The following MYCT1 variants were observed in gnomAD, a reference collection of about 807,000 sequenced individuals.
The protein encoded by MYCT1 is MYC target 1.
A neutral mutation model predicts 15.0 loss-of-function variants in MYCT1; 12 were observed. The observed-to-expected ratio is 0.80, with a 90% CI of 0.51 to 1.29. The LOEUF is 1.29. Ranked by LOEUF, MYCT1 falls within the 50% of genes most tolerant of loss-of-function variation. The pLI is 0.00. For synonymous variants in MYCT1, 104 were observed against 102.7 expected, an observed-to-expected ratio of 1.01 and a Z score of -0.07; for missense variants, 287 against 279.1, an observed-to-expected ratio of 1.03 and a Z score of -0.20.
At chr6:152,698,740 C>T (rs1177336340) in intron 1 of MYCT1, among the ~76,000 whole-genome samples, 1 of 152,080 alleles carries the variant, frequency 6.6e-6, no homozygotes, top group Non-Finnish European at 1.5e-5. Flanking sequence ...GTGGAAATAA[C>T]ATCACGTGTA....
chr6:152,725,314 C>G (rs891280111), downstream of MYCT1, among the ~76,000 whole-genome samples: 1 of 152,038 alleles, frequency 6.6e-6, no homozygotes, highest in Non-Finnish European at 1.5e-5. Context: ...TAGTAATGGA[C>G]CAAAACAAGC....
At chr6:152,725,501 G>T (rs1383560280), downstream of MYCT1, among the ~76,000 whole-genome samples, 2 of 152,124 alleles carry the variant, frequency 1.3e-5, no homozygotes, top group Non-Finnish European at 1.5e-5. Flanking sequence ...GGCCAGGCTG[G>T]TCTCAAACTC....
At position 152,721,883 on chromosome 6, in the gene MYCT1, G is replaced by A. The variant is rs773210720; in HGVS notation, c.338G>A (p.Arg113Lys). ...ISQWSSSRRS[R>K]SSYTHGLNRT... is the part of the protein sequence containing the mutation. ...CAGTGGAGTTCAAGCAGGAGATCTA[G>A]GTCTTCTTACACCCACGGCCTCAAC... Residue 113 changes from arginine to lysine, a missense_variant, in exon 2 of 2, where the codon AGG becomes AAG. Coordinates refer to ENST00000367245, the MANE Select transcript of MYCT1 (RefSeq NM_025107.3). 5 of 1,614,048 alleles carry A rather than the reference G, an allele frequency of 3.1e-6. No individual in the cohort carries two copies. In the South Asian group the frequency reaches 5.5e-5, roughly 18 times the overall value.
chr6:152,728,331 G>A (rs2099726011), downstream of MYCT1, among the ~76,000 whole-genome samples: 2 of 152,138 alleles, frequency 1.3e-5, no homozygotes, highest in Non-Finnish European at 2.9e-5. Flanking sequence ...AATGGTCAAT[G>A]AGAATCTGAG....
intron 1 of MYCT1, among the ~76,000 whole-genome samples, chr6:152,700,789 A>C (rs1309841759): frequency 1.3e-5 from 2 of 152,164 alleles, no homozygotes; most frequent in Non-Finnish European, 2.9e-5. Context: ...TAGAAGACGT[A>C]GTTTTGGTTG....
At chr6:152,708,366 C>A (rs985629202) in intron 1 of MYCT1, among the ~76,000 whole-genome samples, 1 of 151,838 alleles carries the variant, frequency 6.6e-6, no homozygotes, top group African/African-American at 2.4e-5. Flanking sequence ...TTTTAGAATA[C>A]ATAAGATTTT....
chr6:152,702,910 G>A (rs550326748), intron 1 of MYCT1, among the ~76,000 whole-genome samples: 28 of 152,204 alleles, frequency 1.8e-4, no homozygotes, highest in Non-Finnish European at 4.1e-4. Flanking sequence ...TCATCTCACT[G>A]GACTCCATGC....
chr6:152,716,761 CAT>C (rs2099723759), intron 1 of MYCT1, among the ~76,000 whole-genome samples: 1 of 152,094 alleles, frequency 6.6e-6, no homozygotes, highest in Non-Finnish European at 1.5e-5. Flanking sequence ...ATTAGGATGA[CAT>C]ATATTTAATT....
At chr6:152,720,723 G>A (rs751093759) in intron 1 of MYCT1, among the ~76,000 whole-genome samples, 1 of 152,088 alleles carries the variant, frequency 6.6e-6, no homozygotes, top group Non-Finnish European at 1.5e-5. Context: ...AGTGAGAAAC[G>A]AGCATGACTT....
the MYCT1 span, among the ~76,000 whole-genome samples, chr6:152,742,196 G>T: frequency 6.6e-6 from 1 of 152,136 alleles, no homozygotes; most frequent in African/African-American, 2.4e-5. Context: ...GAAATACGGG[G>T]TTAAACAAGG....
At chr6:152,727,104 G>A (rs571955558), downstream of MYCT1, among the ~76,000 whole-genome samples, 29 of 151,598 alleles carry the variant, frequency 1.9e-4, no homozygotes, top group East Asian at 4.7e-3. Context: ...CCAGCTACTC[G>A]GGAGGCTGAG....
At chr6:152,743,622 T>A in the MYCT1 span, among the ~76,000 whole-genome samples, 1 of 152,130 alleles carries the variant, frequency 6.6e-6, no homozygotes. Context: ...CTCCCCACTC[T>A]CCATGCTCTA....
At chr6:152,712,335 T>A (rs2099722914) in intron 1 of MYCT1, among the ~76,000 whole-genome samples, 1 of 58,994 alleles carries the variant, frequency 1.7e-5, no homozygotes, top group African/African-American at 4.5e-5. Context: ...AAAATGTATA[T>A]TCTGTTGATT....
chr6:152,712,500 C>T lies in MYCT1; in HGVS notation c.197-9242C>T, dbSNP rs1284387184. Among the ~76,000 whole-genome samples the T allele has an allele frequency of 8.3e-5, 6 of 72,120 alleles. 1 individual carries two copies. Among genetic ancestry groups the T allele is most frequent in the African/African-American group, 1.5e-4 (4 of 27,182 alleles). 47.3% of individuals were successfully genotyped at this position (72,120 alleles called of 152,430 possible). A position where few individuals can be genotyped will look rare whatever the true frequency, so the allele number is the denominator to read the frequency against. On this transcript the variant is annotated intron_variant, in intron 1 of 1. Transcript: ENST00000367245. ...GCCCTGCTTCGGCTCGCGCACGGTG[C>T]GCACACACACTGGCCTGCGCCCACT...
downstream of MYCT1, among the ~76,000 whole-genome samples, chr6:152,725,475 G>A (rs371622242): frequency 3.2e-4 from 48 of 152,166 alleles, 1 homozygote; most frequent in African/African-American, 1.1e-3. Context: ...GAATAAAGAC[G>A]GTGTTTTGCC....
the MYCT1 span, among the ~76,000 whole-genome samples, chr6:152,729,718 C>T: frequency 6.6e-6 from 1 of 152,158 alleles, no homozygotes; most frequent in Admixed American, 6.6e-5. Context: ...AGTTGGTGTG[C>T]TGAATATTCA....
the MYCT1 span, among the ~76,000 whole-genome samples, chr6:152,733,141 TC>T: frequency 6.6e-6 from 1 of 152,232 alleles, no homozygotes; most frequent in African/African-American, 2.4e-5. Context: ...TCTCACTCTG[TC>T]ACCCAGGTTG....
intron 1 of MYCT1, among the ~76,000 whole-genome samples, chr6:152,715,435 A>G (rs1223368975): frequency 7.1e-6 from 1 of 141,704 alleles, no homozygotes; most frequent in Non-Finnish European, 1.6e-5. Context: ...GACCACTACC[A>G]TTCACAAAAA....
In MYCT1 at chr6:152,698,015, T is replaced by G. The variant is rs775959799; in HGVS notation, c.113T>G (p.Phe38Cys). 3 of 1,610,870 alleles carry G rather than the reference T, an allele frequency of 1.9e-6. No homozygotes were observed. The highest frequency in any genetic ancestry group is 2.5e-6 in the Non-Finnish European group (3 of 1,178,598). ...GACATACTGGTTTTTCTTTCTGTTT[T>G]TCTTCTCTTTCTTCTATTTCTTGTG... The part of the protein sequence containing the change: ...FFDILVFLSV[F>C]LLFLLFLVDI... Residue 38 changes from phenylalanine (F) to cysteine (C), a missense_variant, in exon 1 of 2, where the codon TTT (phenylalanine) becomes TGT (cysteine). Physicochemically the swap from Phe to Cys is radical, Grantham distance 205. Transcript: ENST00000367245.
Sources: gnomAD v4.1 joint callset for allele counts (sites outside exome capture counted in the v4.1 genomes callset) on GRCh38, gnomAD v4.1.1 for gene constraint, MANE v1.5 for transcripts, NCBI Gene and HGNC (gene_info 2026-07-23, HGNC 2026-07-21) for gene names.